ATAD2B: variants seen among roughly 807,000 people sequenced by gnomAD.
The protein encoded by ATAD2B is ATPase family AAA domain-containing protein 2B.
Under a neutral mutation model 167.6 loss-of-function variants are expected in ATAD2B, and 40 were observed. The ratio of observed to expected loss-of-function variants is 0.24; its 90% confidence interval spans 0.19 to 0.31. The LOEUF (loss-of-function observed/expected upper bound fraction) is 0.31. ATAD2B is among the 10% of genes least tolerant of loss of function. The probability of loss-of-function intolerance (pLI) is 1.00; values close to 1 mark genes in which losing one functional copy is unlikely to be tolerated. For synonymous variants in ATAD2B, 579 were observed against 596.5 expected (o/e 0.97, Z 0.43); for missense variants, 1,242 against 1,757.2 (o/e 0.71, Z 5.24).
intron 12 of ATAD2B, among the ~76,000 whole-genome samples, chr2:23,860,290 C>T (rs142669823): frequency 5.9e-4 from 90 of 152,270 alleles, no homozygotes; most frequent in East Asian, 3.1e-3. Flanking sequence ...TCTGTTCTAA[C>T]GGCACAAAAC....
intron 2 of ATAD2B, among the ~76,000 whole-genome samples, chr2:23,889,996 C>T (rs567765838): frequency 4.7e-4 from 71 of 150,726 alleles, no homozygotes; most frequent in South Asian, 3.6e-3. Context: ...GGGCAGATTA[C>T]GAGGTCAGGA....
At chr2:23,696,361 T>C in the ATAD2B span, 10 of 1,551,628 alleles carry the variant, frequency 6.4e-6, no homozygotes, top group Middle Eastern at 1.7e-4. This position sits in a 1 kb window ranked among gnomAD's most constrained non-coding sequence, Gnocchi z 5.5. Context: ...TGACGCTGGC[T>C]GATGTCTGGT....
At chr2:23,828,548 T>G (rs1688582611) in intron 15 of ATAD2B, among the ~76,000 whole-genome samples, 1 of 152,172 alleles carries the variant, frequency 6.6e-6, no homozygotes, top group Non-Finnish European at 1.5e-5. Context: ...TAGTAAAATT[T>G]CTAAGAGGGA....
the ATAD2B span, among the ~76,000 whole-genome samples, chr2:23,685,680 A>C: frequency 6.6e-6 from 1 of 152,194 alleles, no homozygotes; most frequent in South Asian, 2.1e-4. Flanking sequence ...TTCCCATCTC[A>C]TGGACACCTC....
the ATAD2B span, among the ~76,000 whole-genome samples, chr2:23,720,131 A>C: frequency 1.3e-5 from 2 of 152,228 alleles, no homozygotes; most frequent in African/African-American, 4.8e-5. Context: ...GCTCAGGAGC[A>C]AGATGACTGA....
At chr2:23,746,790 T>C (rs967104562), downstream of ATAD2B, among the ~76,000 whole-genome samples, 1 of 152,004 alleles carries the variant, frequency 6.6e-6, no homozygotes, top group African/African-American at 2.4e-5. Context: ...AAAAGCAGAG[T>C]TCCTGGCAAA....
the ATAD2B span, chr2:23,697,790 G>C: frequency 6.6e-6 from 1 of 152,184 alleles, no homozygotes; most frequent in Non-Finnish European, 1.5e-5. Context: ...GGTTGGCCCC[G>C]GTGCTGGCAG....
intron 1 of ATAD2B, among the ~76,000 whole-genome samples, chr2:23,924,141 G>A (rs1477016419): frequency 1.3e-5 from 2 of 152,032 alleles, no homozygotes; most frequent in African/African-American, 2.4e-5. Flanking sequence ...CCGAGATCGC[G>A]CCACTGCACT....
the ATAD2B span, among the ~76,000 whole-genome samples, chr2:23,713,666 T>C: frequency 1.3e-5 from 2 of 152,134 alleles, no homozygotes; most frequent in Non-Finnish European, 2.9e-5. Context: ...AATCATACAA[T>C]ACTTGGCCTT....
intron 10 of ATAD2B, among the ~76,000 whole-genome samples, chr2:23,866,289 C>T (rs1695113541): frequency 6.6e-6 from 1 of 152,118 alleles, no homozygotes; most frequent in African/African-American, 2.4e-5. Flanking sequence ...CTTGTAATCC[C>T]AGCTACTCGG....
chr2:23,786,519 G>T lies in ATAD2B; in HGVS notation c.2777-296C>A, dbSNP rs535537200. Among the ~76,000 whole-genome samples, 3 of 152,166 alleles carry T rather than the reference G, an allele frequency of 2.0e-5. No homozygotes were observed. In the South Asian group the frequency reaches 6.2e-4, roughly 32 times the overall value. ...ACAGCATGTGACTATACTGAATACT[G>T]TAGGCAACTGTAGCACAGTCGTATT... On this transcript the variant is annotated intron_variant, in intron 20 of 27. Coordinates refer to ENST00000238789, the MANE Select transcript of ATAD2B (RefSeq NM_017552.4).
At chr2:23,695,550 C>T in the ATAD2B span, 28 of 1,047,730 alleles carry the variant, frequency 2.7e-5, no homozygotes, top group Middle Eastern at 8.3e-4. This position sits in a 1 kb window ranked among gnomAD's most constrained non-coding sequence, Gnocchi z 7.6. Context: ...TGCAGCCCCA[C>T]ACCATTTCTT....
intron 22 of ATAD2B, among the ~76,000 whole-genome samples, chr2:23,779,262 G>A (rs1274763923): frequency 1.5e-5 from 2 of 137,692 alleles, no homozygotes; most frequent in Admixed American, 8.4e-5. Flanking sequence ...TGCAAGCTCC[G>A]CCTCCCGGGT....
At chr2:23,835,190 A>C (rs72786269) in intron 13 of ATAD2B, among the ~76,000 whole-genome samples, 5,919 of 152,322 alleles carry the variant, frequency 0.039, 164 homozygotes, top group Non-Finnish European at 0.054. Context: ...ATGATCCAGC[A>C]ATGTCCACAA....
rs1677291096 is a variant in ATAD2B, at chr2:23,765,533, C to T, written c.3229G>A (p.Glu1077Lys). ...CTTTTTATTCTTGCTTCCTTAATTTCCTCACAAAGTTTATTAAATTCTGGA... is the reference window on the plus strand; with the variant it reads ...CTTTTTATTCTTGCTTCCTTAATTTTCTCACAAAGTTTATTAAATTCTGGA... ...LDPEFNKLCE[E>K]IKEARIKRGL... is the part of the protein sequence containing the mutation. Residue 1077 changes from glutamate to lysine, a missense_variant, in exon 23 of 28, where the codon GAA becomes AAA. Around this residue, in one of 9 missense-constraint regions of ATAD2B, gnomAD observed 204 missense variants for 324.0 expected, o/e 0.63. Coordinates refer to ENST00000238789, the MANE Select transcript of ATAD2B (RefSeq NM_017552.4). The T allele has an allele frequency of 1.3e-6, 2 of 1,588,620 alleles. No homozygotes were observed. The highest frequency in any genetic ancestry group is 1.7e-6 in the Non-Finnish European group (2 of 1,164,274).
chr2:23,870,084 G>A (rs969947207), intron 8 of ATAD2B, among the ~76,000 whole-genome samples: 1 of 150,648 alleles, frequency 6.6e-6, no homozygotes, highest in Admixed American at 6.6e-5. Context: ...GTGGGCACCT[G>A]TAGTCCCAGC....
At chr2:23,703,319 G>A in the ATAD2B span, 123 of 1,545,906 alleles carry the variant, frequency 8.0e-5, 1 homozygote, top group East Asian at 1.4e-3. Flanking sequence ...AGCTGCCGGC[G>A]TCCTCCAGTC....
intron 16 of ATAD2B, among the ~76,000 whole-genome samples, chr2:23,822,023 C>G (rs1048575450): frequency 6.6e-6 from 1 of 152,140 alleles, no homozygotes; most frequent in Non-Finnish European, 1.5e-5. Flanking sequence ...TGAGGCTTGA[C>G]AAAACTCAAG....
At chr2:23,698,300 G>A in the ATAD2B span, among the ~76,000 whole-genome samples, 81,599 of 152,112 alleles carry the variant, frequency 0.54, 22,637 homozygotes, top group East Asian at 0.79. Flanking sequence ...TGCAGGGGCA[G>A]GATGCAGGCT....
Sources: gnomAD v4.1 joint callset for allele counts (sites outside exome capture counted in the v4.1 genomes callset) on GRCh38, gnomAD v4.1.1 for gene constraint, gnomAD v4.1.1 regional missense constraint, Gnocchi (gnomAD v3.1) non-coding constraint, MANE v1.5 for transcripts, NCBI Gene and HGNC (gene_info 2026-07-23, HGNC 2026-07-21) for gene names.